The following GTPBP6 variants were observed in gnomAD, a reference collection of about 807,000 sequenced individuals.
GTPBP6 encodes the protein putative GTP-binding protein 6.
In GTPBP6, 33 loss-of-function variants were observed where a neutral mutation model predicts 28.9. The observed-to-expected ratio is 1.14, with a 90% confidence interval of 0.87 to 1.53. The LOEUF is 1.53. Among genes scored for constraint, GTPBP6 ranks in the 40% most tolerant of loss-of-function variants. The pLI, the probability that GTPBP6 is intolerant of heterozygous loss-of-function variation, is 0.00. For synonymous variants in GTPBP6, 231 were observed against 192.7 expected (o/e 1.20, Z -1.65); for missense variants, 507 against 408.3 (o/e 1.24, Z -2.08).
chrX:313,578 A>C (rs1194648205), intron 5 of GTPBP6, among the ~76,000 whole-genome samples: 1 of 152,168 alleles, frequency 6.6e-6, no homozygotes, highest in African/African-American at 2.4e-5. Flanking sequence ...TTTGAAAATA[A>C]GGTGTTTGTC....
At chrX:309,807 G>A (rs1450078231) in intron 7 of GTPBP6, among the ~76,000 whole-genome samples, 1 of 140,098 alleles carries the variant, frequency 7.1e-6, no homozygotes, top group African/African-American at 2.9e-5. Flanking sequence ...TTGATCATCT[G>A]GAACCTGTGA....
Position 316,340 on chromosome X carries a change from G to GACACACACACACACACAC in GTPBP6, c.487+556_487+573dup, listed in dbSNP as rs1168593634. Among the ~76,000 whole-genome samples, 205 of 94,860 alleles carry GACACACACACACACACAC rather than the reference G, an allele frequency of 2.2e-3. 4 individuals are homozygous for GACACACACACACACACAC. Among genetic ancestry groups the GACACACACACACACACAC allele is most frequent in the African/African-American group, 4.8e-3 (115 of 24,134 alleles). 62.2% of individuals were successfully genotyped at this position (94,860 alleles called of 152,430 possible). A position where few individuals can be genotyped will look rare whatever the true frequency, so the allele number is the denominator to read the frequency against. ...TGCACCGTGGACACATCCCATTGGG[G>GACACACACACACACACAC]ACACACACACACACACACACACACA... On this transcript the variant is annotated intron_variant, in intron 2 of 9. Coordinates refer to ENST00000326153, the Ensembl canonical transcript of GTPBP6.
chrX:308,787 T>G (rs892018259), intron 7 of GTPBP6, among the ~76,000 whole-genome samples: 2 of 143,736 alleles, frequency 1.4e-5, no homozygotes, highest in Admixed American at 7.5e-5. Context: ...CAGGCTGGAG[T>G]GCAGTGGCGC....
At chrX:312,950 C>T (rs374516503) in intron 5 of GTPBP6, 26 bp from the exon 6 acceptor site, 67 of 1,597,058 alleles carry the variant, frequency 4.2e-5, no homozygotes, top group African/African-American at 2.4e-4. Flanking sequence ...GATGGTGAGG[C>T]GGTGAGCCAC....
intron 2 of GTPBP6, among the ~76,000 whole-genome samples, chrX:316,043 G>GAC (rs1167000794): frequency 1.4e-4 from 2 of 13,994 alleles, no homozygotes; most frequent in African/African-American, 3.9e-4. Context: ...GACAGGGACA[G>GAC]ACACACACAC....
intron 5 of GTPBP6, among the ~76,000 whole-genome samples, chrX:313,772 T>TG (rs1421168740): frequency 6.6e-6 from 1 of 152,082 alleles, no homozygotes; most frequent in African/African-American, 2.4e-5. Context: ...CCCCAGGAGC[T>TG]GGGAGAGGCA....
chrX:305,212 G>T lies in GTPBP6; in HGVS notation c.1428-15C>A. The T allele has an allele frequency of 6.3e-7, 1 of 1,596,004 alleles. No individual in the cohort carries two copies. Among genetic ancestry groups the T allele is most frequent in the South Asian group, 1.1e-5 (1 of 90,674 alleles). On this transcript the variant is annotated splice_polypyrimidine_tract_variant and intron_variant, in intron 9 of 9. Transcript: ENST00000326153. The stretch of plus-strand genomic sequence containing the variant: ...TATACAGCCAGCTGGGCACAGATGC[G>T]CGTTGTATGGAGACAAGCAGAACCC...
At chrX:306,172 A>AT (rs1429052147) in intron 9 of GTPBP6, among the ~76,000 whole-genome samples, 1 of 152,128 alleles carries the variant, frequency 6.6e-6, no homozygotes, top group Non-Finnish European at 1.5e-5. Context: ...TCAAGTGCAG[A>AT]TTAGGCACCT....
chrX:311,377 A>AGAGCCCGGCCCCTGGGCTGAG (rs1602962444), intron 7 of GTPBP6, 42 bp downstream of exon 7: 1 of 1,011,206 alleles, frequency 9.9e-7, no homozygotes, highest in African/African-American at 2.1e-5. Context: ...CCCGTGCCGA[A>AGAGCCCGGCCCCTGGGCTGAG]TGGGTGTCCG....
At chrX:306,829 AATGT>A (rs2070177936) in intron 9 of GTPBP6, among the ~76,000 whole-genome samples, 1 of 151,314 alleles carries the variant, frequency 6.6e-6, no homozygotes, top group Non-Finnish European at 1.5e-5. Flanking sequence ...CACAGTCAGA[AATGT>A]ATATTTTGAG....
rs750425792 is a variant in GTPBP6, at chrX:308,892, T to G, written c.1126-1012A>C. Reference sequence around the variant, plus strand: ...CTGGGACTACAGGCACCCGCCACCATGCCTGGCTAATTTTTTATATTTTTA... The same window carrying G: ...CTGGGACTACAGGCACCCGCCACCAGGCCTGGCTAATTTTTTATATTTTTA... On this transcript the variant is annotated intron_variant, in intron 7 of 9. Coordinates refer to ENST00000326153, the Ensembl canonical transcript of GTPBP6. Among the ~76,000 whole-genome samples the G allele has an allele frequency of 5.3e-3, 805 of 151,904 alleles. 5 individuals carry two copies. Among genetic ancestry groups the G allele is most frequent in the Middle Eastern group, 0.017 (5 of 294 alleles).
At chrX:314,759 A>G in intron 4 of GTPBP6, 131 bp downstream of exon 4, 1 of 394,148 alleles carries the variant, frequency 2.5e-6, no homozygotes, top group Non-Finnish European at 4.5e-6. Context: ...GACAGGCGTG[A>G]GCCACCGCGC....
At chrX:307,762 T>C in exon 8 of GTPBP6, 2 of 1,514,608 alleles carry the variant, frequency 1.3e-6, no homozygotes, top group East Asian at 4.8e-5. Flanking sequence ...GTTGTGAACC[T>C]CCACCATGGA....
intron 5 of GTPBP6, 39 bp from the exon 6 acceptor site, chrX:312,963 C>T (rs764192009): frequency 4.0e-5 from 64 of 1,581,912 alleles, no homozygotes; most frequent in South Asian, 2.6e-4. Context: ...TGAGCCACGC[C>T]GGGAAAGGCA....
chrX:310,360 G>A (rs2070260259), intron 7 of GTPBP6, among the ~76,000 whole-genome samples: 1 of 132,072 alleles, frequency 7.6e-6, no homozygotes, highest in Non-Finnish European at 1.5e-5. Flanking sequence ...AGGGACGCCT[G>A]GAGCCCCCAG....
chrX:314,325 G>A, intron 4 of GTPBP6, 108 bp from the exon 5 acceptor site: 3 of 912,840 alleles, frequency 3.3e-6, no homozygotes, highest in Non-Finnish European at 5.4e-6. Flanking sequence ...GGGCCGAAGG[G>A]AGGAGCCGCT....
At chrX:315,715 A>C (rs2070422433) in intron 2 of GTPBP6, among the ~76,000 whole-genome samples, 1 of 13,522 alleles carries the variant, frequency 7.4e-5, no homozygotes, top group African/African-American at 1.9e-4. Flanking sequence ...CAGTAAATAC[A>C]TCCCGACAGG....
chrX:305,749 C>G (rs1197562106), intron 9 of GTPBP6, among the ~76,000 whole-genome samples: 3 of 150,394 alleles, frequency 2.0e-5, no homozygotes, highest in African/African-American at 7.5e-5. Context: ...CTTAGCCTCC[C>G]GAGTAGCTGG....
intron 1 of GTPBP6, among the ~76,000 whole-genome samples, chrX:317,988 C>A (rs2070472128): frequency 1.3e-5 from 2 of 148,902 alleles, no homozygotes; most frequent in Middle Eastern, 3.6e-3. Flanking sequence ...CCCTCAGAGC[C>A]CCGCCCCTCA....
Sources: allele counts gnomAD v4.1 joint callset (sites outside exome capture counted in the v4.1 genomes callset), GRCh38; gene constraint gnomAD v4.1.1; transcripts MANE v1.5; gene names NCBI Gene and HGNC (gene_info 2026-07-23, HGNC 2026-07-21).